The following PTPRD variants were observed in gnomAD, a reference collection of about 807,000 sequenced individuals.
PTPRD encodes protein tyrosine phosphatase receptor type D.
A neutral mutation model predicts 214.5 loss-of-function variants in PTPRD; 34 were observed. The ratio of observed to expected loss-of-function variants is 0.16; its 90% CI spans 0.12 to 0.21. The LOEUF (loss-of-function observed/expected upper bound fraction) is 0.21, where lower values mean the gene tolerates loss of function less well. PTPRD is among the 10% of genes least tolerant of loss of function. The pLI is 1.00. For synonymous variants in PTPRD, 1,128 were observed against 845.7 expected, an observed-to-expected ratio of 1.33 and a Z score of -5.79; for missense variants, 2,545 against 2,398.7, an observed-to-expected ratio of 1.06 and a Z score of -1.27.
intron 7 of PTPRD, among the ~76,000 whole-genome samples, chr9:9,581,441 A>G (rs918692384): frequency 7.2e-5 from 11 of 152,096 alleles, no homozygotes; most frequent in Non-Finnish European, 1.0e-4. Flanking sequence ...AAAAATAACA[A>G]CTTTGAACTC....
intron 3 of PTPRD, among the ~76,000 whole-genome samples, chr9:10,108,806 G>C (rs2098661895): frequency 6.6e-6 from 1 of 151,522 alleles, no homozygotes; most frequent in African/African-American, 2.4e-5. Flanking sequence ...AGCCTGTCCT[G>C]TATAAGAACA....
chr9:10,390,055 G>A (rs1027834695), intron 2 of PTPRD, among the ~76,000 whole-genome samples: 2 of 151,624 alleles, frequency 1.3e-5, no homozygotes, highest in African/African-American at 4.8e-5. Flanking sequence ...GCTCACAATT[G>A]CAATTAATTT....
At chr9:10,318,115 T>A (rs1024147041) in intron 3 of PTPRD, among the ~76,000 whole-genome samples, 1 of 152,066 alleles carries the variant, frequency 6.6e-6, no homozygotes. Context: ...AGAATAGATA[T>A]CTACTTATAA....
At chr9:9,613,127 C>CATATATATATATATAT (rs1336099691) in intron 7 of PTPRD, among the ~76,000 whole-genome samples, 2 of 39,114 alleles carry the variant, frequency 5.1e-5, no homozygotes, top group Non-Finnish European at 1.0e-4. Context: ...CTGCAGTATA[C>CATATATATATATATAT]ATACATACAT....
intron 2 of PTPRD, among the ~76,000 whole-genome samples, chr9:10,478,508 T>G (rs2099077378): frequency 6.6e-6 from 1 of 152,116 alleles, no homozygotes; most frequent in African/African-American, 2.4e-5. Flanking sequence ...CATTTTTCTA[T>G]AGCACTGTGC....
intron 2 of PTPRD, among the ~76,000 whole-genome samples, chr9:10,504,115 CAAAAAAAA>C (rs71332747): frequency 1.4e-3 from 39 of 26,964 alleles, no homozygotes; most frequent in Non-Finnish European, 1.9e-3. Flanking sequence ...GACTCTGTCT[CAAAAAAAA>C]AAAAAAAAAA....
chr9:10,045,378 T>G (rs2154146554), intron 3 of PTPRD, among the ~76,000 whole-genome samples: 1 of 151,800 alleles, frequency 6.6e-6, no homozygotes, highest in Middle Eastern at 3.4e-3. Flanking sequence ...GACAAGCAAA[T>G]TAGCATCTGT....
chr9:9,749,615 A>G (rs1423778565), intron 6 of PTPRD, among the ~76,000 whole-genome samples: 1 of 152,200 alleles, frequency 6.6e-6, no homozygotes, highest in African/African-American at 2.4e-5. Flanking sequence ...AATCCACAGA[A>G]TGTACACACC....
intron 14 of PTPRD, among the ~76,000 whole-genome samples, chr9:8,611,908 C>G (rs1007724866): frequency 4.8e-5 from 6 of 126,084 alleles, no homozygotes; most frequent in Admixed American, 1.9e-4. Context: ...CTTTTTGTAC[C>G]TAAATATCAA....
chr9:9,261,492 TTGCC>T (rs2099980087), intron 9 of PTPRD, among the ~76,000 whole-genome samples: 1 of 151,832 alleles, frequency 6.6e-6, no homozygotes, highest in Non-Finnish European at 1.5e-5. Flanking sequence ...CACTTTATCT[TTGCC>T]TGAGAAAAAG....
At chr9:9,553,986 A>C (rs910888759) in intron 8 of PTPRD, among the ~76,000 whole-genome samples, 4 of 152,066 alleles carry the variant, frequency 2.6e-5, no homozygotes, top group Non-Finnish European at 5.9e-5. Flanking sequence ...TTTTAAAAGC[A>C]ATGAGTTGGA....
chr9:8,328,833 G>C (rs1340428426), intron 44 of PTPRD, among the ~76,000 whole-genome samples: 1 of 151,908 alleles, frequency 6.6e-6, no homozygotes, highest in Non-Finnish European at 1.5e-5. Flanking sequence ...ATTGATACTT[G>C]CGTATGCTTC....
At chr9:8,936,062 A>G (rs1363897142) in intron 11 of PTPRD, 1 of 152,074 alleles carries the variant, frequency 6.6e-6, no homozygotes, top group East Asian at 1.9e-4. Context: ...ACTCTGACAC[A>G]TTATCTCGGA....
At chr9:9,034,956 A>G (rs1010428787) in intron 10 of PTPRD, among the ~76,000 whole-genome samples, 9 of 152,038 alleles carry the variant, frequency 5.9e-5, no homozygotes, top group African/African-American at 2.2e-4. Context: ...TCTTGGTCTG[A>G]GTTATTCAGA....
chr9:9,294,989 G>T (rs1374261328), intron 9 of PTPRD, among the ~76,000 whole-genome samples: 1 of 151,668 alleles, frequency 6.6e-6, no homozygotes, highest in Non-Finnish European at 1.5e-5. Context: ...GTAAGTACTT[G>T]TATCAGGTAA....
chr9:10,209,618 A>C (rs1450320150), intron 3 of PTPRD, among the ~76,000 whole-genome samples: 3 of 151,350 alleles, frequency 2.0e-5, no homozygotes, highest in Non-Finnish European at 2.9e-5. Context: ...ACCTGACTTT[A>C]TTTTTTATAC....
At chr9:9,268,606 T>C (rs776916924) in intron 9 of PTPRD, among the ~76,000 whole-genome samples, 18 of 151,164 alleles carry the variant, frequency 1.2e-4, no homozygotes, top group Non-Finnish European at 2.5e-4. Flanking sequence ...ATTCCTGATT[T>C]CAAATTATAA....
intron 8 of PTPRD, among the ~76,000 whole-genome samples, chr9:9,462,938 T>C (rs1163885788): frequency 6.6e-6 from 1 of 152,186 alleles, no homozygotes; most frequent in Non-Finnish European, 1.5e-5. Context: ...TTGTCACCGA[T>C]TGTATAGTTT....
intron 7 of PTPRD, among the ~76,000 whole-genome samples, chr9:9,680,958 A>G (rs573864505): frequency 2.0e-5 from 3 of 151,892 alleles, no homozygotes; most frequent in South Asian, 4.1e-4. Flanking sequence ...CTTCACGAAT[A>G]TATCACTATA....
Sources: gnomAD v4.1 joint callset for allele counts (sites outside exome capture counted in the v4.1 genomes callset) on GRCh38, gnomAD v4.1.1 for gene constraint, MANE v1.5 for transcripts, NCBI Gene and HGNC (gene_info 2026-07-23, HGNC 2026-07-21) for gene names.